Variants in FIGNL2 observed in about 807,000 individuals in gnomAD.
The protein encoded by FIGNL2 is fidgetin like 2, also known as fidgetin-like protein 2.
For missense variants in FIGNL2, 1,060 were observed against 950.2 expected (o/e 1.12, Z -1.52); for synonymous variants, 565 against 484.0 (o/e 1.17, Z -2.20).
intron 1 of FIGNL2, chr12:51,845,621 G>C (rs1000893033): frequency 2.0e-6 from 2 of 985,272 alleles, no homozygotes; most frequent in African/African-American, 3.5e-5. Context: ...TAAAGGAGTC[G>C]ATAACCGCCA....
intron 1 of FIGNL2, chr12:51,844,850 C>T: frequency 2.0e-6 from 2 of 985,404 alleles, no homozygotes; most frequent in Non-Finnish European, 2.4e-6. Context: ...CCTAGTGCCT[C>T]AATCTCATAC....
At chr12:51,826,648 A>G (rs1259408274) in intron 1 of FIGNL2, among the ~76,000 whole-genome samples, 2 of 151,590 alleles carry the variant, frequency 1.3e-5, no homozygotes, top group Non-Finnish European at 2.9e-5. Flanking sequence ...CTCAAAAAAA[A>G]AAAAAAAAAA....
Position 51,821,864 on chromosome 12 carries a change from G to C in FIGNL2, c.550C>G (p.Pro184Ala), listed in dbSNP as rs2138971701. The stretch of plus-strand genomic sequence containing the variant: ...GGTGGGGGCTGCAGGAGCGCGGCCG[G>C]GGGCGGCGGGGGCAGCGCGGCGCCC... ...QTGAALPPPP[P>A]AALLQPPPPP... is the part of the protein sequence containing the mutation. The change falls in exon 2 of 2, where the codon CCG (proline) becomes GCG (alanine). Residue 184 changes from proline to alanine, a missense_variant. Coordinates refer to ENST00000618634, the MANE Select transcript of FIGNL2 (RefSeq NM_001384995.1). 1.5e-6 allele frequency: 2 copies of C among 1,297,646 alleles called. No homozygotes were observed. Among genetic ancestry groups the C allele is most frequent in the Non-Finnish European group, 1.9e-6 (2 of 1,026,102 alleles). 80.4% of individuals were successfully genotyped at this position (1,297,646 alleles called of 1,614,324 possible).
intron 1 of FIGNL2, among the ~76,000 whole-genome samples, chr12:51,830,498 T>G (rs1939432135): frequency 6.7e-6 from 1 of 149,948 alleles, no homozygotes; most frequent in Non-Finnish European, 1.5e-5. Flanking sequence ...GAGTTGTTTT[T>G]TTTTTTTTTT....
intron 1 of FIGNL2, chr12:51,844,737 A>T: frequency 1.0e-6 from 1 of 985,378 alleles, no homozygotes; most frequent in Non-Finnish European, 1.2e-6. Context: ...TGGACCCTAA[A>T]AAAAAAGCTG....
chr12:51,818,521 G>A lies in FIGNL2; in HGVS notation c.*1931C>T, dbSNP rs1490760544. 3 of 152,352 alleles carry A rather than the reference G, an allele frequency of 2.0e-5. No individual in the cohort carries two copies. Among genetic ancestry groups the A allele is most frequent in the African/African-American group, 4.8e-5 (2 of 41,440 alleles). 9.4% of individuals were successfully genotyped at this position (152,352 alleles called of 1,614,324 possible). ...CCTGTGGGTGGCTGGCTCCAAAGAG[G>A]GGGCCAGAAAGCAACGGGGGTGGGG... On this transcript the variant is annotated 3_prime_UTR_variant, in exon 2 of 2. Transcript: ENST00000618634.
intron 1 of FIGNL2, chr12:51,841,701 G>A (rs1416339837): frequency 6.6e-6 from 1 of 152,266 alleles, no homozygotes; most frequent in Non-Finnish European, 1.5e-5. Flanking sequence ...TGGCCTCAAG[G>A]CTAGGACACA....
rs376892638 is a variant in FIGNL2 at position 51,820,431 on chromosome 12, C to A, written c.*21G>T. 6.3e-7 allele frequency: 1 copy of A among 1,577,844 alleles called. No homozygotes were observed. Among genetic ancestry groups the A allele is most frequent in the East Asian group, 2.3e-5 (1 of 43,632 alleles). On this transcript the variant is annotated 3_prime_UTR_variant, in exon 2 of 2. Coordinates refer to ENST00000618634, the MANE Select transcript of FIGNL2 (RefSeq NM_001384995.1). ...GCGGGGACGGAGGGACTGCGGCTCC[C>A]GCGGCCTCCCCCGCGCGCCGTCAGT...
At chr12:51,838,760 G>A (rs1191932113) in intron 1 of FIGNL2, among the ~76,000 whole-genome samples, 2 of 152,158 alleles carry the variant, frequency 1.3e-5, no homozygotes, top group African/African-American at 4.8e-5. Flanking sequence ...AGGTGCAGTG[G>A]CCTGGGAAAG....
At chr12:51,833,150 C>G (rs541027067) in intron 1 of FIGNL2, among the ~76,000 whole-genome samples, 1 of 152,260 alleles carries the variant, frequency 6.6e-6, no homozygotes, top group South Asian at 2.1e-4. Flanking sequence ...CAGGCTCAAG[C>G]AGTCCTCCTA....
At chr12:51,833,481 C>T (rs117251271) in intron 1 of FIGNL2, among the ~76,000 whole-genome samples, 2,680 of 152,342 alleles carry the variant, frequency 0.018, 33 homozygotes, top group Non-Finnish European at 0.025. Flanking sequence ...TCCCATCTCA[C>T]TCAGAATAAA....
chr12:51,843,150 G>A (rs553368174), intron 1 of FIGNL2, among the ~76,000 whole-genome samples: 6 of 152,330 alleles, frequency 3.9e-5, no homozygotes, highest in African/African-American at 1.2e-4. Flanking sequence ...GGCTCAGGAA[G>A]GCCAATCCTG....
intron 1 of FIGNL2, 125 bp from the exon 2 acceptor site, chr12:51,822,549 C>T (rs1198040406): frequency 4.8e-6 from 5 of 1,033,434 alleles, no homozygotes; most frequent in Admixed American, 2.1e-5. Flanking sequence ...CATCCACCAC[C>T]TACCGCCCCA....
chr12:51,821,290 A>T lies in FIGNL2; in HGVS notation c.1124T>A (p.Leu375Gln). 2 of 1,523,178 alleles carry T rather than the reference A, an allele frequency of 1.3e-6. No individual in the cohort carries two copies. Among genetic ancestry groups the T allele is most frequent in the Non-Finnish European group, 1.8e-6 (2 of 1,141,088 alleles). The allele number at this position is 1,523,178 out of a possible 1,614,324, so 94.4% of individuals were successfully genotyped here. A position where few individuals can be genotyped will look rare whatever the true frequency, so the allele number is the denominator to read the frequency against. ...CACCATCTTGCTCGTCACCAGCTCC[A>T]GGGCCCCAGGGTCCACGCCTTTGGG... ...ETPKGVDPGA[L>Q]ELVTSKMVDC... is the part of the protein sequence containing the mutation. Residue 375 changes from leucine to glutamine, a missense_variant, in exon 2 of 2, where the codon CTG (leucine) becomes CAG (glutamine). Leu to Gln is a moderately radical substitution (Grantham distance 113, BLOSUM62 -2). Transcript: ENST00000618634.
chr12:51,821,640 A>C lies in FIGNL2; in HGVS notation c.774T>G (p.Gly258=). 2.0e-6 allele frequency: 3 copies of C among 1,478,462 alleles called. No individual in the cohort carries two copies. Among genetic ancestry groups the C allele is most frequent in the Non-Finnish European group, 2.7e-6 (3 of 1,120,950 alleles). The allele number at this position is 1,478,462 out of a possible 1,614,324, so 91.6% of individuals were successfully genotyped here. ...GCTTCAGCGACAGCCCGGATTCGGC[A>C]CCCGGCGCGGCCGTGGGGAAGCCAT... The part of the protein sequence containing the change: ...TAYGFPTAAP[G]AESGLSLKRK... Residue 258 remains glycine (G), a synonymous_variant, in exon 2 of 2, where the codon GGT becomes GGG. Coordinates refer to ENST00000618634, the MANE Select transcript of FIGNL2 (RefSeq NM_001384995.1).
chr12:51,844,545 G>A (rs552183807), intron 1 of FIGNL2: 1 of 320,740 alleles, frequency 3.1e-6, no homozygotes, highest in East Asian at 1.7e-4. Context: ...TCCCAGCTCT[G>A]ACTCCTTTCA....
At position 51,820,138 on chromosome 12, in the gene FIGNL2, C is replaced by A; in HGVS notation, c.*314G>T. ...TAGCGAGGAGACAAAAGCGTTGTGGCAAGAGAGCAGGAGTTCTTAAGGCCC... is the reference window on the plus strand; with the variant it reads ...TAGCGAGGAGACAAAAGCGTTGTGGAAAGAGAGCAGGAGTTCTTAAGGCCC... On this transcript the variant is annotated 3_prime_UTR_variant, in exon 2 of 2. Transcript: ENST00000618634. 2.6e-6 allele frequency: 1 copy of A among 377,964 alleles called. No homozygotes were observed. Among genetic ancestry groups the A allele is most frequent in the Non-Finnish European group, 4.8e-6 (1 of 208,258 alleles). The allele number at this position is 377,964 out of a possible 1,614,324, so 23.4% of individuals were successfully genotyped here. A position where few individuals can be genotyped will look rare whatever the true frequency, so the allele number is the denominator to read the frequency against.
intron 1 of FIGNL2, among the ~76,000 whole-genome samples, chr12:51,829,416 C>T (rs1939409419): frequency 6.6e-6 from 1 of 151,984 alleles, no homozygotes; most frequent in Non-Finnish European, 1.5e-5. Context: ...AACAAGGGGA[C>T]TCTGGAAGAC....
Position 51,821,217 on chromosome 12 carries a change from C to T in FIGNL2, c.1197G>A (p.Ala399=), listed in dbSNP as rs1939177344. ...GCTCCTCCTCCAGCGCCGCCTTGAGCGCGCCCTGGCCCGCCACATCCGCCC... is the reference window on the plus strand; with the variant it reads ...GCTCCTCCTCCAGCGCCGCCTTGAGTGCGCCCTGGCCCGCCACATCCGCCC... The part of the protein sequence containing the change: ...VQWADVAGQG[A]LKAALEEELV... The change falls in exon 2 of 2, where the codon GCG becomes GCA. Residue 399 remains alanine (A), a synonymous_variant. Transcript: ENST00000618634. The T allele has an allele frequency of 5.3e-6, 8 of 1,521,492 alleles. No individual in the cohort carries two copies. The highest frequency in any genetic ancestry group is 7.0e-6 in the Non-Finnish European group (8 of 1,141,044). The allele number at this position is 1,521,492 out of a possible 1,614,324, so 94.2% of individuals were successfully genotyped here. A position where few individuals can be genotyped will look rare whatever the true frequency, so the allele number is the denominator to read the frequency against.
Sources: gnomAD v4.1 joint callset for allele counts (sites outside exome capture counted in the v4.1 genomes callset) on GRCh38, gnomAD v4.1.1 for gene constraint, MANE v1.5 for transcripts, NCBI Gene and HGNC (gene_info 2026-07-23, HGNC 2026-07-21) for gene names.